The following BEND4 variants were observed in gnomAD, a reference collection of about 807,000 sequenced individuals.
BEND4 encodes BEN domain containing 4.
Under a neutral mutation model 54.7 loss-of-function variants are expected in BEND4, and 27 were observed. The ratio of observed to expected loss-of-function variants is 0.49; its 90% CI spans 0.36 to 0.68. The LOEUF (loss-of-function observed/expected upper bound fraction) is 0.68. Among genes scored for constraint, BEND4 ranks in the 30% least tolerant of loss-of-function variants. The pLI is 0.00. For synonymous variants in BEND4, 327 were observed against 299.5 expected (o/e 1.09, Z -0.95); for missense variants, 702 against 697.2 (o/e 1.01, Z -0.08).
intron 3 of BEND4, among the ~76,000 whole-genome samples, chr4:42,141,356 G>A (rs1042022698): frequency 6.6e-6 from 1 of 152,180 alleles, no homozygotes; most frequent in Non-Finnish European, 1.5e-5. Context: ...ATAAACAAGT[G>A]GGTAGCTTTC....
At position 42,113,514 on chromosome 4, in the gene BEND4, G is replaced by A. The variant is rs940255420; in HGVS notation, c.*4004C>T. The A allele has an allele frequency of 6.6e-6, 1 of 152,180 alleles. No individual in the cohort carries two copies. The highest frequency in any genetic ancestry group is 6.5e-5 in the Admixed American group (1 of 15,280). The allele number at this position is 152,180 out of a possible 1,614,324, so 9.4% of individuals were successfully genotyped here. A position where few individuals can be genotyped will look rare whatever the true frequency, so the allele number is the denominator to read the frequency against. On this transcript the variant is annotated 3_prime_UTR_variant, in exon 6 of 6. Transcript: ENST00000502486. ...CAGAAGGGAGGCAACAAGCCATTGA[G>A]AGCGGCAGGGGAATGTAGGAATCAT...
chr4:42,127,304 C>G (rs1309881129), intron 3 of BEND4, among the ~76,000 whole-genome samples: 1 of 152,324 alleles, frequency 6.6e-6, no homozygotes, highest in African/African-American at 2.4e-5. Context: ...GCTGTGGCCA[C>G]TTGTGAACAG....
At chr4:42,135,513 C>T (rs958771147) in intron 3 of BEND4, among the ~76,000 whole-genome samples, 6 of 152,116 alleles carry the variant, frequency 3.9e-5, no homozygotes, top group Non-Finnish European at 8.8e-5. Flanking sequence ...TGGCTCACAC[C>T]TGTAATCCCA....
chr4:42,150,629 T>A (rs974486116), intron 2 of BEND4, among the ~76,000 whole-genome samples: 13 of 151,968 alleles, frequency 8.6e-5, no homozygotes, highest in Admixed American at 2.0e-4. Flanking sequence ...TTCTAATGAG[T>A]GGATAAACGT....
Position 42,113,508 on chromosome 4 carries a change from C to T in BEND4, c.*4010G>A, listed in dbSNP as rs1334542605. 6.6e-6 allele frequency: 1 copy of T among 152,128 alleles called. No individual in the cohort carries two copies. The highest frequency in any genetic ancestry group is 1.5e-5 in the Non-Finnish European group (1 of 68,036). 9.4% of individuals were successfully genotyped at this position (152,128 alleles called of 1,614,324 possible). On this transcript the variant is annotated 3_prime_UTR_variant, in exon 6 of 6. Coordinates refer to ENST00000502486, the MANE Select transcript of BEND4 (RefSeq NM_207406.4). ...GAGCAACAGAAGGGAGGCAACAAGC[C>T]ATTGAGAGCGGCAGGGGAATGTAGG...
intron 3 of BEND4, among the ~76,000 whole-genome samples, chr4:42,131,307 T>C (rs1293453160): frequency 6.6e-6 from 1 of 152,208 alleles, no homozygotes; most frequent in Non-Finnish European, 1.5e-5. Context: ...ACCTTGACCA[T>C]GTTAAATATA....
intron 4 of BEND4, 81 bp downstream of exon 4, chr4:42,125,502 G>A: frequency 9.2e-7 from 1 of 1,081,322 alleles, no homozygotes; most frequent in Non-Finnish European, 1.4e-6. Flanking sequence ...TAGCCAGTCT[G>A]TTCTGGTATA....
chr4:42,130,895 C>T (rs1720482147), intron 3 of BEND4, among the ~76,000 whole-genome samples: 1 of 151,876 alleles, frequency 6.6e-6, no homozygotes, highest in Non-Finnish European at 1.5e-5. Flanking sequence ...AAAAAGGAAA[C>T]GAGAGATCAT....
Position 42,143,988 on chromosome 4 carries a change from C to T in BEND4, c.494G>A (p.Arg165Gln), listed in dbSNP as rs200387125. 1.8e-4 allele frequency: 279 copies of T among 1,572,206 alleles called. No homozygotes were observed. Among genetic ancestry groups the T allele is most frequent in the South Asian group, 3.4e-4 (28 of 81,502 alleles). ...CTGGGCAAAGGCATCCAAGATCATTCGACTCTCTGAAACAAATGAAAGGAC... is the reference window on the plus strand; with the variant it reads ...CTGGGCAAAGGCATCCAAGATCATTTGACTCTCTGAAACAAATGAAAGGAC... ...SASLELSAES[R>Q]MILDAFAQQC... The change falls in exon 3 of 6, where the codon CGA becomes CAA. Residue 165 changes from arginine to glutamine, a missense_variant. By Grantham distance (43) the Arg-to-Gln change is conservative. Coordinates refer to ENST00000502486, the MANE Select transcript of BEND4 (RefSeq NM_207406.4).
rs1719681134 is a variant in BEND4, at chr4:42,113,811, A to C, written c.*3707T>G. 6.6e-6 allele frequency: 1 copy of C among 152,226 alleles called. No homozygotes were observed. The highest frequency in any genetic ancestry group is 6.5e-5 in the Admixed American group (1 of 15,278). 9.4% of individuals were successfully genotyped at this position (152,226 alleles called of 1,614,324 possible). A position where few individuals can be genotyped will look rare whatever the true frequency, so the allele number is the denominator to read the frequency against. ...TCACCCACTAACTCTACAGCCGTGA[A>C]GTAGCTACAAATATGTCTCGAATCC... On this transcript the variant is annotated 3_prime_UTR_variant, in exon 6 of 6. Coordinates refer to ENST00000502486, the MANE Select transcript of BEND4 (RefSeq NM_207406.4).
rs569689534 is a variant in BEND4 at position 42,116,486 on chromosome 4, A to G, written c.*1032T>C. 1 of 152,364 alleles carries G rather than the reference A, an allele frequency of 6.6e-6. No individual in the cohort carries two copies. The highest frequency in any genetic ancestry group is 2.1e-4 in the South Asian group (1 of 4,832). 9.4% of individuals were successfully genotyped at this position (152,364 alleles called of 1,614,324 possible). A position where few individuals can be genotyped will look rare whatever the true frequency, so the allele number is the denominator to read the frequency against. The stretch of plus-strand genomic sequence containing the variant: ...ACGGAGGGGATGAAATGTTTTCATC[A>G]AGGACAATGGGAAACAAGTTTCATA... On this transcript the variant is annotated 3_prime_UTR_variant, in exon 6 of 6. Transcript: ENST00000502486.
intron 2 of BEND4, among the ~76,000 whole-genome samples, chr4:42,148,096 C>T (rs1452256655): frequency 1.3e-5 from 2 of 152,060 alleles, no homozygotes; most frequent in Non-Finnish European, 2.9e-5. Context: ...ATCTACCCAA[C>T]GATTTCTAAC....
intron 3 of BEND4, among the ~76,000 whole-genome samples, chr4:42,128,716 C>T (rs892372188): frequency 6.6e-6 from 1 of 151,680 alleles, no homozygotes; most frequent in Non-Finnish European, 1.5e-5. Context: ...TGCGGTGGCT[C>T]ATGCCCGTAA....
chr4:42,131,409 G>T (rs1720504278), intron 3 of BEND4, among the ~76,000 whole-genome samples: 1 of 152,110 alleles, frequency 6.6e-6, no homozygotes, highest in Non-Finnish European at 1.5e-5. Context: ...GTGGGATTAG[G>T]GTAGTTAAGA....
At chr4:42,138,139 T>G (rs1720757450) in intron 3 of BEND4, among the ~76,000 whole-genome samples, 1 of 152,166 alleles carries the variant, frequency 6.6e-6, no homozygotes, top group Admixed American at 6.5e-5. Context: ...CACTCCCACG[T>G]TCATTGCAGC....
intron 3 of BEND4, among the ~76,000 whole-genome samples, chr4:42,137,190 G>A (rs1720726668): frequency 6.6e-6 from 1 of 152,112 alleles, no homozygotes; most frequent in East Asian, 1.9e-4. Flanking sequence ...ATTTGCTGTG[G>A]CCCCATGGAG....
chr4:42,151,725 G>C lies in BEND4; in HGVS notation c.419C>G (p.Pro140Arg). ...GGTGCCGGCGGCCGCCGCCGCGCCT[G>C]GGCCATACCTGACGACAGCGGCGAA... The part of the protein sequence containing the change: ...SSFAAVVRYG[P>R]GAAAAAGTGG... Residue 140 changes from proline (P) to arginine (R), a missense_variant, in exon 2 of 6, where the codon CCA becomes CGA. Coordinates refer to ENST00000502486, the MANE Select transcript of BEND4 (RefSeq NM_207406.4). The C allele has an allele frequency of 3.3e-6, 5 of 1,503,594 alleles. No individual in the cohort carries two copies. Among genetic ancestry groups the C allele is most frequent in the Non-Finnish European group, 4.4e-6 (5 of 1,131,642 alleles). 93.1% of individuals were successfully genotyped at this position (1,503,594 alleles called of 1,614,324 possible).
rs750089459 is a variant in BEND4, at chr4:42,120,103, T to C, written c.1338A>G (p.Thr446=). 1.9e-6 allele frequency: 3 copies of C among 1,613,892 alleles called. No homozygotes were observed. The highest frequency in any genetic ancestry group is 2.5e-6 in the Non-Finnish European group (3 of 1,179,890). The part of the protein sequence containing the change: ...KRKRSVQSGE[T]GPERRPLDPV... ...GATCCAGAGGGCGTCTTTCGGGACC[T>C]GTCTCTCCTGACTGCACTGACCTTT... Residue 446 remains threonine, a synonymous_variant, in exon 5 of 6, where the codon ACA becomes ACG. Transcript: ENST00000502486.
chr4:42,125,586 TGTCGGCTG>T lies in BEND4; in HGVS notation c.1135_1142del (p.Gln379ArgfsTer21). The stretch of plus-strand genomic sequence containing the variant: ...CACCTTTTTACCAGAGACCTACCTC[TGTCGGCTG>T]GTCAGCTGGCTGTGGTATCAGGAGT... On this transcript the variant is annotated frameshift_variant, in exon 4 of 6. Transcript: ENST00000502486. LOFTEE classifies it high-confidence loss of function. The T allele has an allele frequency of 6.2e-7, 1 of 1,611,414 alleles. No individual in the cohort carries two copies. The highest frequency in any genetic ancestry group is 8.5e-7 in the Non-Finnish European group (1 of 1,177,502).
Sources: gnomAD v4.1 joint callset for allele counts (sites outside exome capture counted in the v4.1 genomes callset) on GRCh38, gnomAD v4.1.1 for gene constraint, MANE v1.5 for transcripts, NCBI Gene and HGNC (gene_info 2026-07-23, HGNC 2026-07-21) for gene names.